Variants in CEP128 observed in about 807,000 individuals in gnomAD.
CEP128 encodes the protein centrosomal protein 128kDa.
In CEP128, 132 loss-of-function variants were observed where a neutral mutation model predicts 156.7. The ratio of observed to expected loss-of-function variants is 0.84; its 90% confidence interval spans 0.73 to 0.97. The LOEUF (loss-of-function observed/expected upper bound fraction) is 0.97, where lower values mean the gene tolerates loss of function less well. Ranked by LOEUF, CEP128 falls within the 50% of genes least tolerant of loss-of-function variation. CEP128 has a pLI of 0.00. For missense variants in CEP128, 1,252 were observed against 1,281.9 expected (o/e 0.98, Z 0.36); for synonymous variants, 469 against 448.9 (o/e 1.04, Z -0.57).
At chr14:80,904,659 C>A (rs1300294067) in intron 6 of CEP128, among the ~76,000 whole-genome samples, 154 bp downstream of exon 6, 1 of 151,962 alleles carries the variant, frequency 6.6e-6, no homozygotes, top group African/African-American at 2.4e-5. Context: ...AAGTAAAAGT[C>A]GTTTACTTGG....
intron 19 of CEP128, among the ~76,000 whole-genome samples, chr14:80,672,585 T>C (rs921996672): frequency 2.0e-5 from 3 of 152,136 alleles, no homozygotes; most frequent in African/African-American, 7.2e-5. Flanking sequence ...GTTTTGATGT[T>C]TTTAACACTT....
chr14:80,943,699 T>A (rs117263992), upstream of CEP128, among the ~76,000 whole-genome samples: 1 of 152,096 alleles, frequency 6.6e-6, no homozygotes, highest in Admixed American at 6.6e-5. Flanking sequence ...CCCAAAAAAA[T>A]GTAGTGAAGT....
chr14:80,726,737 C>T (rs1265568273), intron 19 of CEP128, among the ~76,000 whole-genome samples: 6 of 152,120 alleles, frequency 3.9e-5, no homozygotes, highest in African/African-American at 1.4e-4. Context: ...TCATGAATCT[C>T]ATTTAATACT....
intron 9 of CEP128, among the ~76,000 whole-genome samples, chr14:80,859,905 A>G (rs1423321795): frequency 6.6e-6 from 1 of 152,200 alleles, no homozygotes; most frequent in Non-Finnish European, 1.5e-5. Context: ...TCTGCATCCT[A>G]TAATTTCAAA....
intron 19 of CEP128, among the ~76,000 whole-genome samples, chr14:80,659,580 C>T (rs10145240): frequency 0.15 from 22,279 of 152,104 alleles, 1,724 homozygotes; most frequent in South Asian, 0.23. Flanking sequence ...GTTGAGAGTT[C>T]GCCCACTTTA....
chr14:80,569,606 A>G (rs1397895973), intron 20 of CEP128, among the ~76,000 whole-genome samples: 1 of 152,180 alleles, frequency 6.6e-6, no homozygotes, highest in Non-Finnish European at 1.5e-5. Context: ...AATTCTACCA[A>G]CAGAAATTTA....
intron 3 of CEP128, among the ~76,000 whole-genome samples, chr14:80,915,045 T>TTTAC (rs749894429): frequency 2.6e-5 from 4 of 152,278 alleles, no homozygotes; most frequent in South Asian, 2.1e-4. Context: ...TTTTACTTAC[T>TTTAC]TTACTTACTT....
chr14:80,525,214 A>G (rs1888922798), intron 23 of CEP128, among the ~76,000 whole-genome samples: 1 of 152,176 alleles, frequency 6.6e-6, no homozygotes, highest in Non-Finnish European at 1.5e-5. Flanking sequence ...TTATTCCTGC[A>G]TTTGGTGACT....
At chr14:80,828,613 A>C (rs1386737805) in intron 13 of CEP128, among the ~76,000 whole-genome samples, 1 of 152,228 alleles carries the variant, frequency 6.6e-6, no homozygotes, top group Non-Finnish European at 1.5e-5. Flanking sequence ...GAAAGAAAAG[A>C]CATTCAAAGT....
chr14:80,904,812 C>G lies in CEP128; in HGVS notation c.480+1G>C. ...ACAAATTACAGAATGGTACAAAGTA[C>G]CTGAGTCATATCATCAGTCTCTTGA... On this transcript the variant is annotated splice_donor_variant, in intron 6 of 24. Coordinates refer to ENST00000555265, the MANE Select transcript of CEP128 (RefSeq NM_152446.5). LOFTEE classifies it high-confidence loss of function. 1.4e-6 allele frequency: 2 copies of G among 1,475,534 alleles called. No individual in the cohort carries two copies. The allele number at this position is 1,475,534 out of a possible 1,614,324, so 91.4% of individuals were successfully genotyped here.
rs1305479519 is a variant in CEP128 at position 80,847,846 on chromosome 14, T to C, written c.763-7078A>G. 1.4e-4 allele frequency among the ~76,000 whole-genome samples: 22 copies of C among 152,258 alleles called. 1 individual carries two copies. The highest frequency in any genetic ancestry group is 1.4e-3 in the Admixed American group (22 of 15,284). Reference sequence around the variant, plus strand: ...AAGGTGAGATAGTATTTTAGGTATCTTTAAATCCCTAGTCCCCAGCGCAGT... The same window carrying C: ...AAGGTGAGATAGTATTTTAGGTATCCTTAAATCCCTAGTCCCCAGCGCAGT... On this transcript the variant is annotated intron_variant, in intron 9 of 24. Transcript: ENST00000555265.
chr14:80,507,942 T>A (rs1888056434), intron 23 of CEP128, among the ~76,000 whole-genome samples: 1 of 152,134 alleles, frequency 6.6e-6, no homozygotes, highest in Non-Finnish European at 1.5e-5. Flanking sequence ...TGAGACAGAG[T>A]CTCGCTCTGT....
chr14:80,888,451 C>T (rs369878982), intron 8 of CEP128, among the ~76,000 whole-genome samples: 46 of 152,290 alleles, frequency 3.0e-4, no homozygotes, highest in South Asian at 1.7e-3. Flanking sequence ...TTAGCTTCAT[C>T]GCTGGAATGC....
rs369971417 is a variant in CEP128, at chr14:80,785,285, A to G, written c.1821T>C (p.Val607=). ...KQSKIQSQMK[V]EKAHLEEEIA... Reference sequence around the variant, plus strand: ...TTTCTTCCTCCAAGTGAGCTTTCTCAACTTTCATCTGGCTTTGGATCTTAC... The same window carrying G: ...TTTCTTCCTCCAAGTGAGCTTTCTCGACTTTCATCTGGCTTTGGATCTTAC... The change falls in exon 15 of 25, where the codon GTT becomes GTC. Residue 607 remains valine, a synonymous_variant. Transcript: ENST00000555265. 3 of 1,613,998 alleles carry G rather than the reference A, an allele frequency of 1.9e-6. No homozygotes were observed. In the African/African-American group the frequency reaches 4.0e-5, roughly 22 times the overall value.
At chr14:80,738,170 A>G (rs1002567914) in intron 19 of CEP128, among the ~76,000 whole-genome samples, 2 of 152,224 alleles carry the variant, frequency 1.3e-5, no homozygotes, top group African/African-American at 2.4e-5. Context: ...GGATGACTAG[A>G]AAAGTAAACC....
At chr14:80,816,778 G>C (rs1268330473) in intron 13 of CEP128, among the ~76,000 whole-genome samples, 1 of 152,132 alleles carries the variant, frequency 6.6e-6, no homozygotes, top group Non-Finnish European at 1.5e-5. Flanking sequence ...TCGTAATTTT[G>C]TAAGACTGGT....
rs1277300104 is a variant in CEP128, at chr14:80,496,499, C to T, written c.*980G>A. ...TGTAATGCATATTACAAAGGTATTG[C>T]TTTATTGCCCTTGTCTATGCAGAAT... On this transcript the variant is annotated 3_prime_UTR_variant, in exon 25 of 25. Coordinates refer to ENST00000555265, the MANE Select transcript of CEP128 (RefSeq NM_152446.5). The T allele has an allele frequency of 1.3e-5, 2 of 152,578 alleles. No individual in the cohort carries two copies. Among genetic ancestry groups the T allele is most frequent in the Non-Finnish European group, 2.9e-5 (2 of 68,000 alleles). 9.5% of individuals were successfully genotyped at this position (152,578 alleles called of 1,614,324 possible).
At position 80,785,497 on chromosome 14, in the gene CEP128, G is replaced by T; in HGVS notation, c.1609C>A (p.Gln537Lys). The T allele has an allele frequency of 6.2e-7, 1 of 1,613,366 alleles. No individual in the cohort carries two copies. The highest frequency in any genetic ancestry group is 8.5e-7 in the Non-Finnish European group (1 of 1,179,666). ...TCCTTTCGAAGATTCTCTATTTGTT[G>T]TAATGCTGCATACAGCTGGGTTTTC... ...ELKTQLYAAL[Q>K]QIENLRKELN... The change falls in exon 15 of 25, where the codon CAA becomes AAA. Residue 537 changes from glutamine to lysine, a missense_variant. Coordinates refer to ENST00000555265, the MANE Select transcript of CEP128 (RefSeq NM_152446.5).
intron 19 of CEP128, among the ~76,000 whole-genome samples, chr14:80,626,470 CAAAAAAAAAAAAA>C (rs60238276): frequency 5.0e-5 from 4 of 80,684 alleles, no homozygotes; most frequent in African/African-American, 2.3e-4. Flanking sequence ...GACTCCGTCT[CAAAAAAAAAAAAA>C]AAAAAAAAAA....
Sources: allele counts gnomAD v4.1 joint callset (sites outside exome capture counted in the v4.1 genomes callset), GRCh38; gene constraint gnomAD v4.1.1; transcripts MANE v1.5; gene names NCBI Gene and HGNC (gene_info 2026-07-23, HGNC 2026-07-21).